Variants in AGT observed in about 807,000 individuals in gnomAD.
AGT encodes alpha-1 antiproteinase, antitrypsin.
Under a neutral mutation model 28.1 loss-of-function variants are expected in AGT, and 26 were observed. The observed-to-expected ratio is 0.92, with a 90% CI of 0.68 to 1.28. The LOEUF is 1.28. Ranked by LOEUF, AGT falls within the 50% of genes most tolerant of loss-of-function variation. AGT has a pLI of 0.00. For missense variants in AGT, 596 were observed against 592.3 expected, an observed-to-expected ratio of 1.01 and a Z score of -0.06; for synonymous variants, 259 against 259.6, an observed-to-expected ratio of 1.00 and a Z score of 0.02.
chr1:230,729,205 T>C (rs1233344722), intron 1 of AGT, among the ~76,000 whole-genome samples: 1 of 152,206 alleles, frequency 6.6e-6, no homozygotes, highest in African/African-American at 2.4e-5. Context: ...ACTCTCTCTC[T>C]GGACTTTCAT....
At chr1:230,704,140 A>G in intron 4 of AGT, 53 bp downstream of exon 4, 1 of 1,613,496 alleles carries the variant, frequency 6.2e-7, no homozygotes, top group Non-Finnish European at 8.5e-7. Context: ...CATGCCTCCC[A>G]CCCTGTGCAC....
intron 1 of AGT, among the ~76,000 whole-genome samples, chr1:230,739,608 G>A (rs368694749): frequency 2.6e-5 from 4 of 152,156 alleles, no homozygotes; most frequent in Non-Finnish European, 5.9e-5. Context: ...GGGTAATTAC[G>A]GTGCATTGCC....
At chr1:230,720,425 A>G (rs572406997) in intron 1 of AGT, among the ~76,000 whole-genome samples, 1 of 152,308 alleles carries the variant, frequency 6.6e-6, no homozygotes, top group South Asian at 2.1e-4. Context: ...CCCTTTGTCC[A>G]CATCCACAGA....
chr1:230,739,170 C>A (rs970583099), intron 1 of AGT, among the ~76,000 whole-genome samples: 3 of 150,044 alleles, frequency 2.0e-5, no homozygotes, highest in Non-Finnish European at 4.4e-5. Context: ...CCAGTGTGGG[C>A]AACATACTGA....
chr1:230,714,550 A>C (rs1379706174), upstream of AGT, among the ~76,000 whole-genome samples: 1 of 152,150 alleles, frequency 6.6e-6, no homozygotes, highest in Non-Finnish European at 1.5e-5. Context: ...TGCTTAGGCA[A>C]CACGGGGGCC....
In AGT at chr1:230,710,196, G is replaced by A. The variant is rs1304727648; in HGVS notation, c.628C>T (p.Leu210=). The change falls in exon 2 of 5, where the codon CTG becomes TTG. Residue 210 remains leucine, a synonymous_variant. Coordinates refer to ENST00000366667, the MANE Select transcript of AGT (RefSeq NM_001384479.1). ...VGVFTAPGLH[L]KQPFVQGLAL... is the part of the protein sequence containing the mutation. ...AGGCCCTGCACAAACGGCTGCTTCA[G>A]GTGCAGGCCTGGGGCTGTGAACACG... is the stretch of plus-strand genomic sequence containing the variant. The A allele has an allele frequency of 4.3e-6, 7 of 1,613,716 alleles. No individual in the cohort carries two copies. Among genetic ancestry groups the A allele is most frequent in the Non-Finnish European group, 5.9e-6 (7 of 1,179,968 alleles).
intron 1 of AGT, among the ~76,000 whole-genome samples, chr1:230,737,086 TC>T (rs1664169172): frequency 6.6e-6 from 1 of 152,112 alleles, no homozygotes; most frequent in African/African-American, 2.4e-5. Context: ...CCATTTCTGC[TC>T]CTGCTCCCCA....
upstream of AGT, among the ~76,000 whole-genome samples, chr1:230,717,829 G>A (rs566455526): frequency 6.6e-6 from 1 of 152,272 alleles, no homozygotes; most frequent in South Asian, 2.1e-4. Context: ...TTAGGGAAAA[G>A]TCCATTTCTT....
intron 3 of AGT, among the ~76,000 whole-genome samples, chr1:230,705,326 C>T (rs1312287119): frequency 3.3e-5 from 5 of 152,246 alleles, no homozygotes; most frequent in Non-Finnish European, 5.9e-5. Flanking sequence ...CATCGTGTCA[C>T]TCAATGCCTG....
intron 3 of AGT, 75 bp downstream of exon 3, chr1:230,705,858 T>TA: frequency 6.3e-7 from 1 of 1,579,902 alleles, no homozygotes; most frequent in Non-Finnish European, 8.7e-7. Context: ...CAGGTGTGTC[T>TA]ACTCCCCACC....
chr1:230,741,489 C>A (rs142014140), intron 1 of AGT, among the ~76,000 whole-genome samples: 16 of 152,344 alleles, frequency 1.1e-4, no homozygotes, highest in Non-Finnish European at 2.1e-4. Flanking sequence ...GGGCTGGGTG[C>A]TCTGTTGCCT....
chr1:230,719,881 A>T (rs1663811199), intron 1 of AGT, among the ~76,000 whole-genome samples: 1 of 152,178 alleles, frequency 6.6e-6, no homozygotes, highest in African/African-American at 2.4e-5. Context: ...GCAAAAAGTG[A>T]TTGCTGCCTG....
chr1:230,734,741 G>A (rs534421745), intron 1 of AGT, among the ~76,000 whole-genome samples: 14 of 151,548 alleles, frequency 9.2e-5, no homozygotes, highest in African/African-American at 2.7e-4. Flanking sequence ...ATGGAGTCTC[G>A]CTCTGTCGCC....
rs749523641 is a variant in AGT, at chr1:230,704,289, G to A, written c.1146C>T (p.Asp382=). ...MPQLVLQGSY[D]LQDLLAQAEL... ...CAGCCTGGGCGAGCAGGTCCTGCAG[G>A]TCATAAGATCCTTGCAGCACCAGTT... The change falls in exon 4 of 5, where the codon GAC becomes GAT. Residue 382 remains aspartate (D), a synonymous_variant. Coordinates refer to ENST00000366667, the MANE Select transcript of AGT (RefSeq NM_001384479.1). 1.2e-6 allele frequency: 2 copies of A among 1,614,228 alleles called. No homozygotes were observed. Among genetic ancestry groups the A allele is most frequent in the South Asian group, 1.1e-5 (1 of 91,082 alleles).
intron 1 of AGT, among the ~76,000 whole-genome samples, chr1:230,737,934 T>C (rs921756794): frequency 1.3e-5 from 2 of 152,010 alleles, no homozygotes; most frequent in African/African-American, 4.8e-5. Context: ...TGACTTCCTG[T>C]CTCCATAGAT....
chr1:230,732,578 TG>T (rs1473419229), intron 1 of AGT, among the ~76,000 whole-genome samples: 1 of 152,226 alleles, frequency 6.6e-6, no homozygotes, highest in African/African-American at 2.4e-5. Flanking sequence ...GAAACTTTAC[TG>T]ATAATCTAAT....
chr1:230,720,892 T>C (rs1051744047), intron 1 of AGT, among the ~76,000 whole-genome samples: 1 of 152,188 alleles, frequency 6.6e-6, no homozygotes, highest in African/African-American at 2.4e-5. Flanking sequence ...AAAAAATTCT[T>C]CTCCATCACC....
intron 1 of AGT, among the ~76,000 whole-genome samples, chr1:230,733,304 G>A (rs951628547): frequency 1.3e-5 from 2 of 152,138 alleles, no homozygotes; most frequent in South Asian, 4.2e-4. Context: ...AAACAAAAAA[G>A]TCAGTTCCTT....
intron 1 of AGT, among the ~76,000 whole-genome samples, chr1:230,722,768 C>G (rs570675145): frequency 1.3e-5 from 2 of 152,208 alleles, no homozygotes; most frequent in Non-Finnish European, 2.9e-5. Flanking sequence ...TTGGAAGTAA[C>G]TAACTTGCTT....
Sources: allele counts gnomAD v4.1 joint callset (sites outside exome capture counted in the v4.1 genomes callset), GRCh38; gene constraint gnomAD v4.1.1; transcripts MANE v1.5; gene names NCBI Gene and HGNC (gene_info 2026-07-23, HGNC 2026-07-21).